Variants in ZYG11B observed in about 807,000 individuals in gnomAD.
ZYG11B encodes the protein zyg-11 family member B, cell cycle regulator.
A neutral mutation model predicts 82.4 loss-of-function variants in ZYG11B; 36 were observed. That is an observed-to-expected ratio of 0.44 (90% CI 0.33 to 0.58). ZYG11B has a LOEUF of 0.58. Ranked by LOEUF, ZYG11B falls within the 20% of genes least tolerant of loss-of-function variation. The probability of loss-of-function intolerance (pLI) is 0.02; values close to 1 mark genes in which losing one functional copy is unlikely to be tolerated. For missense variants in ZYG11B, 552 were observed against 895.6 expected (o/e 0.62, Z 4.90); for synonymous variants, 303 against 312.8 (o/e 0.97, Z 0.33).
At chr1:52,796,922 ATATAATTATATAT>A (rs1645014368) in intron 8 of ZYG11B, 138 bp downstream of exon 8, 2 of 108,054 alleles carry the variant, frequency 1.9e-5, no homozygotes, top group African/African-American at 3.8e-5. Flanking sequence ...TATATATTAT[ATATAATTATATAT>A]TATATATAAT....
At chr1:52,778,557 C>T (rs535813268) in intron 3 of ZYG11B, among the ~76,000 whole-genome samples, 77 of 152,268 alleles carry the variant, frequency 5.1e-4, no homozygotes, top group African/African-American at 1.8e-3. Flanking sequence ...TGTATTCTTA[C>T]GTTATGAGGT....
At chr1:52,743,504 G>A (rs1644451650) in intron 1 of ZYG11B, among the ~76,000 whole-genome samples, 1 of 151,352 alleles carries the variant, frequency 6.6e-6, no homozygotes, top group South Asian at 2.1e-4. Context: ...ATTTGCTCAG[G>A]AGTTCGAGAC....
intron 13 of ZYG11B, among the ~76,000 whole-genome samples, chr1:52,820,477 C>T (rs531253607): frequency 2.1e-4 from 32 of 151,346 alleles, no homozygotes; most frequent in African/African-American, 7.7e-4. Context: ...TAAAACCCCA[C>T]CTCTACCAAA....
intron 3 of ZYG11B, chr1:52,772,055 G>A: frequency 1.4e-6 from 1 of 695,196 alleles, no homozygotes; most frequent in Non-Finnish European, 2.5e-6. Flanking sequence ...TCACGTAGTA[G>A]GTCCTGGCTA....
intron 2 of ZYG11B, 71 bp downstream of exon 2, chr1:52,756,694 G>A: frequency 6.9e-7 from 1 of 1,443,032 alleles, no homozygotes; most frequent in South Asian, 1.4e-5. Context: ...TGCTACAGTA[G>A]CCATTTAATT....
chr1:52,786,647 G>T (rs957284969), intron 5 of ZYG11B, among the ~76,000 whole-genome samples: 1 of 152,076 alleles, frequency 6.6e-6, no homozygotes, highest in Non-Finnish European at 1.5e-5. Flanking sequence ...CTACTCAGGA[G>T]CCTAAAGAGT....
rs947222852 is a variant in ZYG11B, at chr1:52,823,205, G to A, written c.*1576G>A. ...GCAGTGGCTCATGCTTGTAATCCCA[G>A]CACTTTGGGAAGCTGAAGCAGGAGG... On this transcript the variant is annotated 3_prime_UTR_variant, in exon 14 of 14. Transcript: ENST00000294353. 2 of 151,966 alleles carry A rather than the reference G, an allele frequency of 1.3e-5. No individual in the cohort carries two copies. Among genetic ancestry groups the A allele is most frequent in the Non-Finnish European group, 2.9e-5 (2 of 68,000 alleles). The allele number at this position is 151,966 out of a possible 1,614,324, so 9.4% of individuals were successfully genotyped here. A position where few individuals can be genotyped will look rare whatever the true frequency, so the allele number is the denominator to read the frequency against.
At chr1:52,783,852 G>GTGCGTATGTACATACACA (rs1644881559) in intron 4 of ZYG11B, among the ~76,000 whole-genome samples, 1 of 46,936 alleles carries the variant, frequency 2.1e-5, no homozygotes, top group African/African-American at 1.1e-4. Flanking sequence ...GTACATACAC[G>GTGCGTATGTACATACACA]TGTGTGTGTA....
intron 3 of ZYG11B, chr1:52,772,357 C>A: frequency 6.6e-7 from 1 of 1,520,868 alleles, no homozygotes; most frequent in East Asian, 2.3e-5. Flanking sequence ...ATGCTTTGAA[C>A]AGCAACTGCT....
chr1:52,783,984 A>G (rs201526874), intron 4 of ZYG11B, among the ~76,000 whole-genome samples: 776 of 48,634 alleles, frequency 0.016, 10 homozygotes, highest in African/African-American at 0.1. Context: ...ACACACACAC[A>G]CATATATATA....
intron 13 of ZYG11B, among the ~76,000 whole-genome samples, chr1:52,820,097 G>A (rs2149969120): frequency 6.6e-6 from 1 of 150,552 alleles, no homozygotes; most frequent in South Asian, 2.1e-4. Flanking sequence ...TGTATTTTTA[G>A]TAGAGACGGG....
chr1:52,815,706 G>A (rs974657200), intron 12 of ZYG11B, among the ~76,000 whole-genome samples: 6 of 151,926 alleles, frequency 3.9e-5, no homozygotes, highest in South Asian at 2.1e-4. Context: ...AGGCCGAGGC[G>A]GGCAGATCAC....
chr1:52,782,828 C>T (rs1399775142), intron 4 of ZYG11B, among the ~76,000 whole-genome samples: 1 of 151,970 alleles, frequency 6.6e-6, no homozygotes, highest in African/African-American at 2.4e-5. Flanking sequence ...GCTGTGTTGC[C>T]CAGGCTAGTC....
chr1:52,783,997 T>TAGAG (rs60838674), intron 4 of ZYG11B, among the ~76,000 whole-genome samples: 34 of 142,418 alleles, frequency 2.4e-4, no homozygotes, highest in East Asian at 8.3e-4. Context: ...TATATATATA[T>TAGAG]AGAGAGAGAG....
chr1:52,819,395 A>G (rs1483463555), intron 13 of ZYG11B, among the ~76,000 whole-genome samples: 1 of 152,216 alleles, frequency 6.6e-6, no homozygotes, highest in African/African-American at 2.4e-5. Flanking sequence ...TGATCCCATC[A>G]TATTCCCAGT....
chr1:52,756,405 A>T (rs2149929698), intron 1 of ZYG11B, 53 bp from the exon 2 acceptor site: 1 of 1,560,750 alleles, frequency 6.4e-7, no homozygotes, highest in East Asian at 2.3e-5. Flanking sequence ...GCTTTTCTGG[A>T]AACTAACTAG....
At chr1:52,765,690 A>G (rs753633753) in intron 2 of ZYG11B, among the ~76,000 whole-genome samples, 62 of 152,020 alleles carry the variant, frequency 4.1e-4, no homozygotes, top group Non-Finnish European at 7.8e-4. Context: ...TGTTGTTGGG[A>G]TGGAGTCTTG....
At chr1:52,756,061 C>G (rs1367967272) in intron 1 of ZYG11B, among the ~76,000 whole-genome samples, 2 of 152,138 alleles carry the variant, frequency 1.3e-5, no homozygotes, top group Non-Finnish European at 2.9e-5. Context: ...CGGCCCTACC[C>G]TATTTTTAAA....
intron 7 of ZYG11B, 70 bp from the exon 8 acceptor site, chr1:52,796,664 T>A: frequency 7.8e-7 from 1 of 1,276,678 alleles, no homozygotes; most frequent in Non-Finnish European, 1.1e-6. Context: ...TGGAGTGAGG[T>A]ACAGTGAATG....
Sources: allele counts gnomAD v4.1 joint callset (sites outside exome capture counted in the v4.1 genomes callset), GRCh38; gene constraint gnomAD v4.1.1; transcripts MANE v1.5; gene names NCBI Gene and HGNC (gene_info 2026-07-23, HGNC 2026-07-21).